The following SUSD4 variants were observed in gnomAD, a reference collection of about 807,000 sequenced individuals.
The protein encoded by SUSD4 is sushi domain-containing protein 4.
A neutral mutation model predicts 50.5 loss-of-function variants in SUSD4; 41 were observed. The ratio of observed to expected loss-of-function variants is 0.81; its 90% CI spans 0.63 to 1.05. The LOEUF (loss-of-function observed/expected upper bound fraction) is 1.05. SUSD4 is among the 50% of genes least tolerant of loss of function. SUSD4 has a pLI of 0.00. For missense variants in SUSD4, 580 were observed against 634.7 expected, an observed-to-expected ratio of 0.91 and a Z score of 0.93; for synonymous variants, 257 against 257.3, an observed-to-expected ratio of 1.00 and a Z score of 0.01.
intron 5 of SUSD4, among the ~76,000 whole-genome samples, chr1:223,260,790 A>G (rs1662060155): frequency 2.0e-5 from 3 of 152,182 alleles, no homozygotes; most frequent in Admixed American, 2.0e-4. Context: ...TGCGACCCAC[A>G]TCTTCGTAGT....
chr1:223,281,428 T>C (rs1169685365), intron 3 of SUSD4, among the ~76,000 whole-genome samples: 1 of 152,098 alleles, frequency 6.6e-6, no homozygotes, highest in African/African-American at 2.4e-5. Flanking sequence ...CCCACAGAAA[T>C]ACAAACTACC....
chr1:223,319,399 T>C (rs1412029021), intron 2 of SUSD4, among the ~76,000 whole-genome samples: 1 of 151,206 alleles, frequency 6.6e-6, no homozygotes, highest in Non-Finnish European at 1.5e-5. Context: ...TTTCGCAACC[T>C]ACTCATCTGA....
Position 223,355,190 on chromosome 1 carries a change from T to C in SUSD4, c.148+8088A>G, listed in dbSNP as rs1490614083. 2.0e-5 allele frequency among the ~76,000 whole-genome samples: 3 copies of C among 152,202 alleles called. No individual in the cohort carries two copies. The East Asian group carries it at 5.8e-4, about 29-fold the overall frequency. ...CCTGGGTTCAAGCGATTCTCCTGTT[T>C]CAGCCTGCTGGGTAGCTGGATTACA... On this transcript the variant is annotated intron_variant, in intron 2 of 8. Transcript: ENST00000366878.
In SUSD4 at chr1:223,221,479, CT is replaced by C. The variant is rs1234054962; in HGVS notation, c.*712del. 1.1e-5 allele frequency: 2 copies of C among 179,380 alleles called. No individual in the cohort carries two copies. Among genetic ancestry groups the C allele is most frequent in the African/African-American group, 4.7e-5 (2 of 42,746 alleles). The allele number at this position is 179,380 out of a possible 1,614,324, so 11.1% of individuals were successfully genotyped here. A position where few individuals can be genotyped will look rare whatever the true frequency, so the allele number is the denominator to read the frequency against. The stretch of plus-strand genomic sequence containing the variant: ...ATGTGCCACACCATGAATACAAACA[CT>C]GATGATATGTTACCAGAAGACAGCA... On this transcript the variant is annotated 3_prime_UTR_variant, in exon 9 of 9. Coordinates refer to ENST00000366878, the MANE Select transcript of SUSD4 (RefSeq NM_017982.4).
intron 2 of SUSD4, among the ~76,000 whole-genome samples, chr1:223,306,487 G>A (rs535441794): frequency 2.0e-5 from 3 of 152,214 alleles, no homozygotes; most frequent in South Asian, 2.1e-4. Flanking sequence ...TTTGAAGAAG[G>A]CATGGGTAAT....
rs376407332 is a variant in SUSD4 at position 223,237,412 on chromosome 1, T to TCCTTG, written c.725-8029_725-8025dup. On this transcript the variant is annotated intron_variant, in intron 5 of 8. Transcript: ENST00000366878. ...TGAAACGGAGTGATGAGAAAGAACA[T>TCCTTG]CCTTGCCTTGTCCCTGATCTTACGG... is the stretch of plus-strand genomic sequence containing the variant. Among the ~76,000 whole-genome samples, 87 of 152,172 alleles carry TCCTTG rather than the reference T, an allele frequency of 5.7e-4. 2 individuals are homozygous for TCCTTG. Among genetic ancestry groups the TCCTTG allele is most frequent in the African/African-American group, 2.1e-3 (86 of 41,572 alleles).
chr1:223,286,145 T>G (rs1002002661), intron 3 of SUSD4, among the ~76,000 whole-genome samples: 1 of 151,838 alleles, frequency 6.6e-6, no homozygotes, highest in Admixed American at 6.6e-5. Flanking sequence ...AGATGGAGTC[T>G]CGCTCTGTCG....
Position 223,338,954 on chromosome 1 carries a change from A to G in SUSD4, c.148+24324T>C, listed in dbSNP as rs1331292604. Among the ~76,000 whole-genome samples the G allele has an allele frequency of 2.0e-5, 3 of 152,182 alleles. No individual in the cohort carries two copies. In the East Asian group the frequency reaches 5.8e-4, roughly 29 times the overall value. On this transcript the variant is annotated intron_variant, in intron 2 of 8. Coordinates refer to ENST00000366878, the MANE Select transcript of SUSD4 (RefSeq NM_017982.4). ...ACATCCAGTTCCAGGTGGTAATTCA[A>G]CTCACAAGGGGAGATGAGGTCACGT...
At chr1:223,363,253 C>T (rs780510892) in intron 2 of SUSD4, 25 bp downstream of exon 2, 10 of 1,547,090 alleles carry the variant, frequency 6.5e-6, no homozygotes, top group South Asian at 3.8e-5. Context: ...TCCCCAGGCC[C>T]TCCCACCACA....
intron 2 of SUSD4, among the ~76,000 whole-genome samples, chr1:223,294,375 A>C (rs994020608): frequency 3.3e-5 from 5 of 152,180 alleles, no homozygotes; most frequent in African/African-American, 4.8e-5. Context: ...TATCGAACTC[A>C]TATCTGTTTT....
chr1:223,264,564 C>G, intron 5 of SUSD4, 66 bp downstream of exon 5: 1 of 1,588,828 alleles, frequency 6.3e-7, no homozygotes. Context: ...AGCTCTTCCT[C>G]CTACTGATCT....
At chr1:223,223,128 G>C (rs916390610) in intron 8 of SUSD4, 121 bp downstream of exon 8, 166 of 1,380,294 alleles carry the variant, frequency 1.2e-4, no homozygotes, top group Non-Finnish European at 1.6e-4. Context: ...CTGAGTGAGA[G>C]GTAAACAGAT....
At chr1:223,333,516 G>A (rs1451141787) in intron 2 of SUSD4, among the ~76,000 whole-genome samples, 1 of 152,150 alleles carries the variant, frequency 6.6e-6, no homozygotes, top group Non-Finnish European at 1.5e-5. Context: ...GATATAAGAA[G>A]AAATAATTAA....
At chr1:223,324,923 C>T (rs1666786918) in intron 2 of SUSD4, among the ~76,000 whole-genome samples, 2 of 152,052 alleles carry the variant, frequency 1.3e-5, no homozygotes, top group Admixed American at 1.3e-4. Context: ...CCACCTCCTA[C>T]CTAAGATCAA....
At chr1:223,293,077 G>A (rs1277761691) in intron 2 of SUSD4, among the ~76,000 whole-genome samples, 1 of 152,138 alleles carries the variant, frequency 6.6e-6, no homozygotes, top group African/African-American at 2.4e-5. Flanking sequence ...GGCATGGGTG[G>A]TTTTCTAACG....
At chr1:223,338,372 T>G (rs963524344) in intron 2 of SUSD4, among the ~76,000 whole-genome samples, 12 of 151,952 alleles carry the variant, frequency 7.9e-5, no homozygotes, top group African/African-American at 2.7e-4. Flanking sequence ...TTAGTACAAC[T>G]GAAAAAATGA....
chr1:223,235,154 GA>G (rs142519653), intron 5 of SUSD4: 686 of 1,367,314 alleles, frequency 5.0e-4, no homozygotes, highest in Admixed American at 1.2e-3. Flanking sequence ...TCTCTTGATT[GA>G]AAAAAAAAAC....
At chr1:223,307,640 A>C (rs1029302614) in intron 2 of SUSD4, among the ~76,000 whole-genome samples, 20 of 152,306 alleles carry the variant, frequency 1.3e-4, no homozygotes, top group Admixed American at 2.6e-4. Flanking sequence ...GAGGAAGAAC[A>C]AGACACTATG....
At chr1:223,331,682 C>T (rs375480857) in intron 2 of SUSD4, among the ~76,000 whole-genome samples, 5 of 152,262 alleles carry the variant, frequency 3.3e-5, no homozygotes, top group South Asian at 2.1e-4. Context: ...ACACATTTTT[C>T]GAGGCCTCAA....
Sources: allele counts gnomAD v4.1 joint callset (sites outside exome capture counted in the v4.1 genomes callset), GRCh38; gene constraint gnomAD v4.1.1; transcripts MANE v1.5; gene names NCBI Gene and HGNC (gene_info 2026-07-23, HGNC 2026-07-21).